Variants in SLC6A20 observed in about 807,000 individuals in gnomAD.
SLC6A20 encodes the protein solute carrier family 6 member 20, also known as sodium- and chloride-dependent transporter XTRP3.
A neutral mutation model predicts 64.3 loss-of-function variants in SLC6A20; 73 were observed. The observed-to-expected ratio is 1.14, with a 90% CI of 0.94 to 1.38. SLC6A20 has a LOEUF of 1.38. Among genes scored for constraint, SLC6A20 ranks in the 40% most tolerant of loss-of-function variants. SLC6A20 has a pLI of 0.00. For synonymous variants in SLC6A20, 347 were observed against 329.6 expected, an observed-to-expected ratio of 1.05 and a Z score of -0.57; for missense variants, 725 against 772.8, an observed-to-expected ratio of 0.94 and a Z score of 0.73.
intron 4 of SLC6A20, among the ~76,000 whole-genome samples, chr3:45,774,584 T>A (rs1575430021): frequency 6.6e-6 from 1 of 151,988 alleles, no homozygotes; most frequent in South Asian, 2.1e-4. Flanking sequence ...GAAACCAAAA[T>A]AAAATGCCCT....
rs1400362216 is a variant in SLC6A20 at position 45,757,943 on chromosome 3, T to C, written c.*1035A>G. 7.7e-6 allele frequency: 1 copy of C among 130,186 alleles called. No homozygotes were observed. Among genetic ancestry groups the C allele is most frequent in the African/African-American group, 2.8e-5 (1 of 35,136 alleles). 8.1% of individuals were successfully genotyped at this position (130,186 alleles called of 1,614,324 possible). On this transcript the variant is annotated 3_prime_UTR_variant, in exon 11 of 11. Transcript: ENST00000358525. Reference sequence around the variant, plus strand: ...TTTTTTTTTTTTTTTTGAGTCAGAGTCTTGCTCTGTCGCCCAGACTGGAGT... The same window carrying C: ...TTTTTTTTTTTTTTTTGAGTCAGAGCCTTGCTCTGTCGCCCAGACTGGAGT...
chr3:45,761,595 T>C (rs908362152), intron 9 of SLC6A20, among the ~76,000 whole-genome samples: 2 of 152,158 alleles, frequency 1.3e-5, no homozygotes, highest in Admixed American at 1.3e-4. Context: ...TTTCCCAATT[T>C]TAGTACTGAA....
At chr3:45,783,046 C>T (rs370033520) in intron 1 of SLC6A20, among the ~76,000 whole-genome samples, 4 of 152,250 alleles carry the variant, frequency 2.6e-5, no homozygotes, top group African/African-American at 7.2e-5. Context: ...GCTTTGTGCA[C>T]AGCCCTGATG....
intron 1 of SLC6A20, among the ~76,000 whole-genome samples, chr3:45,791,145 C>T (rs972633535): frequency 6.6e-6 from 1 of 152,202 alleles, no homozygotes; most frequent in Non-Finnish European, 1.5e-5. Flanking sequence ...CACCCCCAAC[C>T]CCTGTACCCT....
chr3:45,783,256 A>G (rs1700125476), intron 1 of SLC6A20, among the ~76,000 whole-genome samples: 1 of 152,252 alleles, frequency 6.6e-6, no homozygotes, highest in African/African-American at 2.4e-5. Context: ...AAAAGAGGGC[A>G]GGACTTCTGA....
At chr3:45,772,678 GC>G in intron 4 of SLC6A20, 63 bp from the exon 5 acceptor site, 1 of 1,337,972 alleles carries the variant, frequency 7.5e-7, no homozygotes, top group Non-Finnish European at 1.0e-6. Flanking sequence ...ACAGACCCAT[GC>G]CCCATGGAAC....
At position 45,758,933 on chromosome 3, in the gene SLC6A20, G is replaced by C; in HGVS notation, c.*45C>G. ...AAAAGCAGCCGAGGAGTTTCCGCCT[G>C]TAAATAGTATCTGTAAAACCGTGAG... On this transcript the variant is annotated 3_prime_UTR_variant, in exon 11 of 11. Transcript: ENST00000358525. The C allele has an allele frequency of 6.5e-7, 1 of 1,546,084 alleles. No homozygotes were observed. Among genetic ancestry groups the C allele is most frequent in the South Asian group, 1.3e-5 (1 of 79,600 alleles).
intron 9 of SLC6A20, among the ~76,000 whole-genome samples, chr3:45,761,103 T>C (rs1699672582): frequency 6.6e-6 from 1 of 152,174 alleles, no homozygotes; most frequent in Middle Eastern, 3.2e-3. Flanking sequence ...GCTGCTGACG[T>C]AGTTGGACTC....
chr3:45,796,270 G>A (rs2125661824), intron 1 of SLC6A20, 29 bp downstream of exon 1: 1 of 1,578,068 alleles, frequency 6.3e-7, no homozygotes. Flanking sequence ...ACAGAGTTGG[G>A]CTGGGGCCGG....
Position 45,796,525 on chromosome 3 carries a change from C to A in SLC6A20, c.-106G>T. The A allele has an allele frequency of 8.6e-7, 1 of 1,157,424 alleles. No individual in the cohort carries two copies. The allele number at this position is 1,157,424 out of a possible 1,614,324, so 71.7% of individuals were successfully genotyped here. A position where few individuals can be genotyped will look rare whatever the true frequency, so the allele number is the denominator to read the frequency against. Reference sequence around the variant, plus strand: ...CCACCCCGGCTCGGCTTGGGGGTGGCCCCGCGCCTCCGCCGCCGACGCAGC... The same window carrying A: ...CCACCCCGGCTCGGCTTGGGGGTGGACCCGCGCCTCCGCCGCCGACGCAGC... On this transcript the variant is annotated 5_prime_UTR_variant, in exon 1 of 11. Coordinates refer to ENST00000358525, the MANE Select transcript of SLC6A20 (RefSeq NM_020208.4).
rs2125724280 is a variant in SLC6A20 at position 45,770,311 on chromosome 3, G to A, written c.996C>T (p.Asn332=). 6 of 1,614,198 alleles carry A rather than the reference G, an allele frequency of 3.7e-6. No homozygotes were observed. Among genetic ancestry groups the A allele is most frequent in the Non-Finnish European group, 5.1e-6 (6 of 1,180,040 alleles). Reference sequence around the variant, plus strand: ...CGAGGTAGCCCTTCACCTGCTCCAGGTTGCTGGCTGTCAAAAAGCCATCTT... The same window carrying A: ...CGAGGTAGCCCTTCACCTGCTCCAGATTGCTGGCTGTCAAAAAGCCATCTT... The part of the protein sequence containing the change: ...DLEDGFLTAS[N]LEQVKGYLAS... Residue 332 remains asparagine (N), a synonymous_variant, in exon 7 of 11, where the codon AAC becomes AAT. Transcript: ENST00000358525.
chr3:45,781,426 T>C (rs4683140), intron 2 of SLC6A20, among the ~76,000 whole-genome samples: 105,039 of 152,050 alleles, frequency 0.69, 38,387 homozygotes, highest in East Asian at 0.93. Context: ...AGGCTATGGC[T>C]ACTTCTGGTC....
chr3:45,770,450 T>C, intron 6 of SLC6A20, 79 bp from the exon 7 acceptor site: 1 of 1,546,354 alleles, frequency 6.5e-7, no homozygotes, highest in South Asian at 1.2e-5. Context: ...GCCTCTTCTT[T>C]TCTGATTAGG....
chr3:45,790,740 C>T (rs1239809497), intron 1 of SLC6A20, among the ~76,000 whole-genome samples: 2 of 152,242 alleles, frequency 1.3e-5, no homozygotes, highest in Non-Finnish European at 2.9e-5. Context: ...GACTGTGCCA[C>T]TTCCCTGCTT....
intron 1 of SLC6A20, among the ~76,000 whole-genome samples, chr3:45,793,027 C>T (rs932846890): frequency 3.3e-5 from 5 of 152,244 alleles, no homozygotes; most frequent in Admixed American, 2.6e-4. Flanking sequence ...TGGGGTCTAG[C>T]AACCTGCAGT....
chr3:45,777,384 T>C (rs963899864), intron 3 of SLC6A20, among the ~76,000 whole-genome samples: 1 of 152,122 alleles, frequency 6.6e-6, no homozygotes, highest in African/African-American at 2.4e-5. Context: ...CTTTGACCCA[T>C]ATCGTGTTCA....
At chr3:45,790,819 T>C (rs557823672) in intron 1 of SLC6A20, among the ~76,000 whole-genome samples, 2 of 152,356 alleles carry the variant, frequency 1.3e-5, no homozygotes, top group African/African-American at 4.8e-5. Flanking sequence ...CTTAGGGACA[T>C]GCTGACTCCT....
intron 1 of SLC6A20, among the ~76,000 whole-genome samples, chr3:45,783,638 G>T (rs1473646075): frequency 6.6e-6 from 1 of 152,204 alleles, no homozygotes; most frequent in East Asian, 1.9e-4. Context: ...ATTTCCTTGG[G>T]ATACAAATCC....
In SLC6A20 at chr3:45,796,336, C is replaced by T; in HGVS notation, c.84G>A (p.Val28=). 1.2e-6 allele frequency: 2 copies of T among 1,612,576 alleles called. No individual in the cohort carries two copies. The highest frequency in any genetic ancestry group is 1.7e-6 in the Non-Finnish European group (2 of 1,179,574). ...TCTGGCACAGGTACGGGAATCGCCA[C>T]ACGTTGCCCAGGCCCACGGCGTACG... The part of the protein sequence containing the change: ...CISYAVGLGN[V]WRFPYLCQMY... The change falls in exon 1 of 11, where the codon GTG becomes GTA. Residue 28 remains valine, a synonymous_variant. Coordinates refer to ENST00000358525, the MANE Select transcript of SLC6A20 (RefSeq NM_020208.4).
Sources: allele counts gnomAD v4.1 joint callset (sites outside exome capture counted in the v4.1 genomes callset), GRCh38; gene constraint gnomAD v4.1.1; transcripts MANE v1.5; gene names NCBI Gene and HGNC (gene_info 2026-07-23, HGNC 2026-07-21).